Variants in KLF12 observed in about 807,000 individuals in gnomAD.
KLF12 encodes Krueppel-like factor 12.
KLF12 carries 9 observed loss-of-function variants against 37.8 expected under a neutral mutation model. The observed-to-expected ratio is 0.24, with a 90% CI of 0.14 to 0.42. The LOEUF is 0.42. Among genes scored for constraint, KLF12 ranks in the 10% least tolerant of loss-of-function variants. The pLI is 1.00. For synonymous variants in KLF12, 208 were observed against 202.1 expected, an observed-to-expected ratio of 1.03 and a Z score of -0.25; for missense variants, 411 against 516.0, an observed-to-expected ratio of 0.80 and a Z score of 1.97.
chr13:74,247,693 A>G, the KLF12 span, among the ~76,000 whole-genome samples: 1 of 151,948 alleles, frequency 6.6e-6, no homozygotes, highest in Non-Finnish European at 1.5e-5. Flanking sequence ...ACTGGTCTTG[A>G]ACTCCTACCT....
At chr13:73,738,092 CATATATATATATATATAT>C (rs778759106) in intron 6 of KLF12, among the ~76,000 whole-genome samples, 19 of 116,726 alleles carry the variant, frequency 1.6e-4, no homozygotes, top group East Asian at 8.3e-4. Context: ...TGTATGTGTA[CATATATATATATATATAT>C]ATATATATAT....
intron 3 of KLF12, among the ~76,000 whole-genome samples, chr13:73,894,455 C>A (rs1418829266): frequency 2.6e-5 from 4 of 152,126 alleles, no homozygotes; most frequent in Admixed American, 6.5e-5. Flanking sequence ...TTAAAAATTT[C>A]TCTCCAGGTA....
chr13:73,884,895 ACTT>A (rs1334455587), intron 3 of KLF12, among the ~76,000 whole-genome samples: 1 of 151,920 alleles, frequency 6.6e-6, no homozygotes, highest in Non-Finnish European at 1.5e-5. Context: ...CTGGGCAACC[ACTT>A]CTTCATGAAG....
At chr13:73,767,714 A>G (rs999710316) in intron 5 of KLF12, among the ~76,000 whole-genome samples, 1 of 152,206 alleles carries the variant, frequency 6.6e-6, no homozygotes, top group Non-Finnish European at 1.5e-5. Flanking sequence ...TGCAGAGCTT[A>G]ATTTAGCTTT....
the KLF12 span, among the ~76,000 whole-genome samples, chr13:74,301,670 G>A: frequency 6.6e-6 from 1 of 152,132 alleles, no homozygotes; most frequent in Non-Finnish European, 1.5e-5. Context: ...GCTTTTCAGA[G>A]TATGCAGGAA....
At chr13:74,123,645 G>A (rs1877767959) in intron 1 of KLF12, among the ~76,000 whole-genome samples, 1 of 152,160 alleles carries the variant, frequency 6.6e-6, no homozygotes, top group South Asian at 2.1e-4. Flanking sequence ...GTTACATATG[G>A]ATTCTTTCTA....
At chr13:73,779,209 T>C (rs1044510173) in intron 5 of KLF12, among the ~76,000 whole-genome samples, 26 of 152,272 alleles carry the variant, frequency 1.7e-4, no homozygotes, top group African/African-American at 5.5e-4. Flanking sequence ...GACCATGCCT[T>C]GGTTTATGTT....
At chr13:73,992,954 G>T (rs1007774935) in intron 2 of KLF12, among the ~76,000 whole-genome samples, 1 of 152,180 alleles carries the variant, frequency 6.6e-6, no homozygotes, top group Admixed American at 6.5e-5. Flanking sequence ...CAGTGAGGCT[G>T]GGCACAGTCA....
the KLF12 span, among the ~76,000 whole-genome samples, chr13:74,264,481 A>T: frequency 6.6e-6 from 1 of 152,222 alleles, no homozygotes; most frequent in East Asian, 1.9e-4. Flanking sequence ...GGACAGAGTG[A>T]CATTCTGAAT....
chr13:74,260,559 TAAAATAAAATAAAATAAATAAAATAA>T, the KLF12 span, among the ~76,000 whole-genome samples: 6 of 88,166 alleles, frequency 6.8e-5, no homozygotes, highest in African/African-American at 5.3e-4. Flanking sequence ...GTTTCTAAAA[TAAAATAAAATAAAATAAATAAAATAA>T]AATAAAATAA....
chr13:73,983,231 A>C (rs996137862), intron 2 of KLF12, among the ~76,000 whole-genome samples: 7 of 152,192 alleles, frequency 4.6e-5, no homozygotes, highest in Admixed American at 3.9e-4. Context: ...CCAGGCAACC[A>C]ACCCTGGCAC....
At chr13:73,777,037 A>G (rs1880650092) in intron 5 of KLF12, among the ~76,000 whole-genome samples, 1 of 152,220 alleles carries the variant, frequency 6.6e-6, no homozygotes, top group African/African-American at 2.4e-5. Context: ...TGCAAACAGA[A>G]GAAGAGTTGG....
At chr13:74,217,718 C>T in the KLF12 span, among the ~76,000 whole-genome samples, 2 of 152,334 alleles carry the variant, frequency 1.3e-5, no homozygotes, top group South Asian at 4.1e-4. Context: ...CAGAGTGAGA[C>T]TCCGTCTCAA....
chr13:74,092,644 AAAAAAGAAAAAAG>A (rs1206375792), intron 1 of KLF12, among the ~76,000 whole-genome samples: 1 of 152,022 alleles, frequency 6.6e-6, no homozygotes, highest in Non-Finnish European at 1.5e-5. Context: ...CAAAAAACAA[AAAAAAGAAAAAAG>A]AAAAAGAAAA....
intron 1 of KLF12, among the ~76,000 whole-genome samples, chr13:74,124,602 T>C (rs1227391320): frequency 6.6e-6 from 1 of 152,202 alleles, no homozygotes. Context: ...CAGTCAACTT[T>C]CTTTGCTTTT....
chr13:74,150,728 T>C, the KLF12 span, among the ~76,000 whole-genome samples: 1 of 152,168 alleles, frequency 6.6e-6, no homozygotes, highest in Non-Finnish European at 1.5e-5. Flanking sequence ...TGAACACAAG[T>C]ACTGTGACAG....
chr13:74,299,404 A>T, the KLF12 span, among the ~76,000 whole-genome samples: 1 of 152,048 alleles, frequency 6.6e-6, no homozygotes, highest in African/African-American at 2.4e-5. Flanking sequence ...AATATTTTTT[A>T]TTTGCTTACT....
At chr13:74,035,391 A>G (rs988178304) in intron 1 of KLF12, among the ~76,000 whole-genome samples, 1 of 152,218 alleles carries the variant, frequency 6.6e-6, no homozygotes, top group African/African-American at 2.4e-5. Flanking sequence ...GACTCAATTT[A>G]TATTAATGTG....
At chr13:73,881,697 T>C (rs1886989593) in intron 3 of KLF12, among the ~76,000 whole-genome samples, 1 of 152,186 alleles carries the variant, frequency 6.6e-6, no homozygotes, top group African/African-American at 2.4e-5. Context: ...GTTTATCAGA[T>C]AGAGCTAAAA....
Sources: allele counts gnomAD v4.1 joint callset (sites outside exome capture counted in the v4.1 genomes callset), GRCh38; gene constraint gnomAD v4.1.1; transcripts MANE v1.5; gene names NCBI Gene and HGNC (gene_info 2026-07-23, HGNC 2026-07-21).